Variants in RABGAP1 observed in about 807,000 individuals in gnomAD.
RABGAP1 encodes RAB GTPase activating protein 1.
In RABGAP1, 23 loss-of-function variants were observed where a neutral mutation model predicts 137.6. The ratio of observed to expected loss-of-function variants is 0.17; its 90% CI spans 0.12 to 0.24. The LOEUF is 0.24. Ranked by LOEUF, RABGAP1 falls within the 10% of genes least tolerant of loss-of-function variation. The pLI is 1.00. For synonymous variants in RABGAP1, 451 were observed against 450.7 expected (o/e 1.00, Z -0.01); for missense variants, 906 against 1,275.8 (o/e 0.71, Z 4.42).
intron 21 of RABGAP1, among the ~76,000 whole-genome samples, chr9:123,091,181 T>G (rs754029553): frequency 2.0e-5 from 3 of 152,196 alleles, no homozygotes; most frequent in Non-Finnish European, 4.4e-5. Flanking sequence ...TTGCCAACCC[T>G]TTAGGTTTCC....
intron 1 of RABGAP1, among the ~76,000 whole-genome samples, chr9:122,955,790 A>G (rs1158904496): frequency 1.3e-5 from 2 of 152,252 alleles, no homozygotes; most frequent in Admixed American, 6.5e-5. Flanking sequence ...TGTATGCTCC[A>G]TAAATATATA....
chr9:123,071,080 A>G (rs767041266), intron 15 of RABGAP1, among the ~76,000 whole-genome samples: 3 of 152,186 alleles, frequency 2.0e-5, no homozygotes, highest in Non-Finnish European at 4.4e-5. Context: ...ATACTTGATC[A>G]TATATATGCC....
At chr9:122,998,910 C>T in intron 10 of RABGAP1, 144 bp downstream of exon 10, 1 of 491,520 alleles carries the variant, frequency 2.0e-6, no homozygotes, top group East Asian at 3.3e-5. Context: ...TCATATTTAC[C>T]CACCTACTTG....
At chr9:122,988,119 T>C (rs1319787063) in intron 4 of RABGAP1, among the ~76,000 whole-genome samples, 1 of 152,252 alleles carries the variant, frequency 6.6e-6, no homozygotes, top group African/African-American at 2.4e-5. Flanking sequence ...TCTATATGTT[T>C]CTTAGTCAAT....
In RABGAP1 at chr9:123,049,364, A is replaced by C. The variant is rs574337374; in HGVS notation, c.1795-15984A>C. ...GAGGGGAAAAGAGTAAAGGGAGTAG[A>C]GTCATTTGGAATGTTTATATTATTT... On this transcript the variant is annotated intron_variant, in intron 13 of 25. Coordinates refer to ENST00000373647, the MANE Select transcript of RABGAP1 (RefSeq NM_012197.4). 2.5e-3 allele frequency among the ~76,000 whole-genome samples: 374 copies of C among 152,210 alleles called. 2 individuals carry two copies. Among genetic ancestry groups the C allele is most frequent in the African/African-American group, 8.4e-3 (348 of 41,522 alleles).
chr9:123,014,844 T>C lies in RABGAP1; in HGVS notation c.1550-699T>C, dbSNP rs191446582. Among the ~76,000 whole-genome samples, 149 of 152,150 alleles carry C rather than the reference T, an allele frequency of 9.8e-4. 2 individuals carry two copies. Among genetic ancestry groups the C allele is most frequent in the Admixed American group, 3.3e-3 (51 of 15,272 alleles). ...GCAGAAGGGGAAGCAAACATGTCCTTCTTCACATGGCAGCAGGAAAGAGAA... is the reference window on the plus strand; with the variant it reads ...GCAGAAGGGGAAGCAAACATGTCCTCCTTCACATGGCAGCAGGAAAGAGAA... On this transcript the variant is annotated intron_variant, in intron 11 of 25. Transcript: ENST00000373647.
intron 6 of RABGAP1, among the ~76,000 whole-genome samples, chr9:122,995,136 A>G (rs1046116862): frequency 4.6e-5 from 7 of 152,132 alleles, no homozygotes; most frequent in African/African-American, 1.7e-4. Flanking sequence ...GAAAAAGAAT[A>G]TTTTTACCTT....
chr9:122,953,928 A>T (rs1329815159), intron 1 of RABGAP1, among the ~76,000 whole-genome samples: 1 of 152,202 alleles, frequency 6.6e-6, no homozygotes, highest in Admixed American at 6.5e-5. Flanking sequence ...CCAACACTTA[A>T]TCAGACATAA....
At chr9:122,976,057 C>T (rs78414428) in intron 2 of RABGAP1, among the ~76,000 whole-genome samples, 1 of 152,216 alleles carries the variant, frequency 6.6e-6, no homozygotes, top group East Asian at 1.9e-4. Context: ...GGAGTTGTGC[C>T]ACAAAACAAC....
chr9:122,934,830 G>A, the RABGAP1 span, among the ~76,000 whole-genome samples: 10 of 152,018 alleles, frequency 6.6e-5, no homozygotes, highest in South Asian at 2.1e-4. Context: ...ACAGGCATGC[G>A]GTCCCATCAA....
intron 2 of RABGAP1, among the ~76,000 whole-genome samples, chr9:122,957,831 A>T (rs564863588): frequency 6.6e-6 from 1 of 151,876 alleles, no homozygotes; most frequent in African/African-American, 2.4e-5. Context: ...AGTACTGGGG[A>T]TATAGTGGTG....
chr9:123,076,479 C>A (rs2034513932), intron 18 of RABGAP1, among the ~76,000 whole-genome samples, 155 bp from the exon 19 acceptor site: 1 of 151,920 alleles, frequency 6.6e-6, no homozygotes, highest in Admixed American at 6.6e-5. Flanking sequence ...CTAGCATTAC[C>A]CCTAACAGTG....
intron 11 of RABGAP1, among the ~76,000 whole-genome samples, chr9:123,013,875 T>G (rs2031015197): frequency 6.6e-6 from 1 of 152,154 alleles, no homozygotes; most frequent in Admixed American, 6.5e-5. Context: ...CAAACTTTGT[T>G]TAGGCAAGTT....
At chr9:122,997,690 A>C (rs1329633338) in intron 9 of RABGAP1, among the ~76,000 whole-genome samples, 1 of 152,184 alleles carries the variant, frequency 6.6e-6, no homozygotes, top group Admixed American at 6.5e-5. Context: ...AAGGATTTAT[A>C]GGGGGAAGTG....
At chr9:123,057,737 C>T (rs972608294) in intron 13 of RABGAP1, among the ~76,000 whole-genome samples, 3 of 152,154 alleles carry the variant, frequency 2.0e-5, no homozygotes, top group East Asian at 1.9e-4. Context: ...GCCGAGATCA[C>T]GCCACTGCAC....
chr9:123,098,162 T>C (rs530962220), intron 22 of RABGAP1, among the ~76,000 whole-genome samples: 1 of 152,328 alleles, frequency 6.6e-6, no homozygotes, highest in South Asian at 2.1e-4. Flanking sequence ...TTTCCCTACT[T>C]GTCCTCTGCT....
chr9:123,103,596 T>C lies in RABGAP1; in HGVS notation c.*383T>C, dbSNP rs1179507201. 32 of 20,554 alleles carry C rather than the reference T, an allele frequency of 1.6e-3. No homozygotes were observed. Among genetic ancestry groups the C allele is most frequent in the African/African-American group, 0.015 (28 of 1,860 alleles). The allele number at this position is 20,554 out of a possible 1,614,324, so 1.3% of individuals were successfully genotyped here. On this transcript the variant is annotated 3_prime_UTR_variant, in exon 26 of 26. Transcript: ENST00000373647. The stretch of plus-strand genomic sequence containing the variant: ...CTTTTTTTTTTAATATACATATATA[T>C]ATATATATATATATATATATATATA...
intron 2 of RABGAP1, among the ~76,000 whole-genome samples, chr9:122,981,637 C>G (rs1295186427): frequency 1.3e-5 from 2 of 152,174 alleles, no homozygotes; most frequent in African/African-American, 4.8e-5. Flanking sequence ...GCAAGCTCTC[C>G]TGGTGATTCT....
At chr9:123,017,715 T>C (rs912848064) in intron 12 of RABGAP1, among the ~76,000 whole-genome samples, 2 of 152,234 alleles carry the variant, frequency 1.3e-5, no homozygotes, top group Non-Finnish European at 2.9e-5. Flanking sequence ...TTAAAAATAA[T>C]GGATGCCATG....
Sources: gnomAD v4.1 joint callset for allele counts (sites outside exome capture counted in the v4.1 genomes callset) on GRCh38, gnomAD v4.1.1 for gene constraint, MANE v1.5 for transcripts, NCBI Gene and HGNC (gene_info 2026-07-23, HGNC 2026-07-21) for gene names.